Variants in ZNF804A observed in about 807,000 individuals in gnomAD.
ZNF804A encodes zinc finger protein 804A.
Under a neutral mutation model 16.5 loss-of-function variants are expected in ZNF804A, and 2 were observed. That is an observed-to-expected ratio of 0.12 (90% CI 0.05 to 0.38). ZNF804A has a LOEUF of 0.38. Among genes scored for constraint, ZNF804A ranks in the 10% least tolerant of loss-of-function variants. ZNF804A has a pLI of 0.99. For synonymous variants in ZNF804A, 534 were observed against 489.6 expected (o/e 1.09, Z -1.20); for missense variants, 1,473 against 1,390.7 (o/e 1.06, Z -0.94).
chr2:184,925,939 G>A (rs952216886), intron 2 of ZNF804A, among the ~76,000 whole-genome samples: 16 of 151,788 alleles, frequency 1.1e-4, no homozygotes, highest in Non-Finnish European at 2.1e-4. Context: ...TTTGGAGATG[G>A]AGTCTCGCTC....
At chr2:184,882,281 C>T (rs189803593) in intron 2 of ZNF804A, among the ~76,000 whole-genome samples, 5 of 152,080 alleles carry the variant, frequency 3.3e-5, no homozygotes, top group Admixed American at 6.6e-5. Context: ...ACATGCAACA[C>T]GGGAGCACCC....
At chr2:184,635,232 TCCG>T (rs1221765454) in intron 1 of ZNF804A, among the ~76,000 whole-genome samples, 1 of 152,150 alleles carries the variant, frequency 6.6e-6, no homozygotes, top group East Asian at 1.9e-4. Flanking sequence ...CAAGCATTTT[TCCG>T]TATGAAACAA....
intron 1 of ZNF804A, among the ~76,000 whole-genome samples, chr2:184,745,092 C>T (rs1402861156): frequency 6.6e-6 from 1 of 151,774 alleles, no homozygotes; most frequent in South Asian, 2.1e-4. Context: ...ATATTACTTA[C>T]CATTGTGCCT....
intron 1 of ZNF804A, among the ~76,000 whole-genome samples, chr2:184,834,158 T>C (rs1288737600): frequency 6.6e-6 from 1 of 152,142 alleles, no homozygotes; most frequent in Non-Finnish European, 1.5e-5. Context: ...ATGATTTATT[T>C]ACATGCTTAA....
chr2:184,655,741 G>A (rs933563903), intron 1 of ZNF804A, among the ~76,000 whole-genome samples: 27 of 151,746 alleles, frequency 1.8e-4, no homozygotes, highest in Admixed American at 8.5e-4. Context: ...TATTATTGAG[G>A]GAAGGCCCTA....
At chr2:184,724,320 C>A (rs1184813218) in intron 1 of ZNF804A, among the ~76,000 whole-genome samples, 9 of 151,610 alleles carry the variant, frequency 5.9e-5, no homozygotes, top group Admixed American at 5.9e-4. Context: ...GCTCTATGTA[C>A]ATTTATTTGT....
chr2:184,736,355 G>A (rs1210762739), intron 1 of ZNF804A, among the ~76,000 whole-genome samples: 12 of 152,094 alleles, frequency 7.9e-5, no homozygotes, highest in Admixed American at 4.6e-4. Context: ...AAATATGGAG[G>A]CAATAGAAAA....
chr2:184,935,962 G>A lies in ZNF804A; in HGVS notation c.566G>A (p.Ser189Asn), dbSNP rs575440297. ...DATTVAEDPESANNYTAKNNQ... is the reference protein window; with the variant it reads ...DATTVAEDPENANNYTAKNNQ... ...ACCACTGTTGCTGAAGATCCAGAAA[G>A]TGCAAATAATTATACAGCAAAAAAT... The change falls in exon 4 of 4, where the codon AGT (serine) becomes AAT (asparagine). Residue 189 changes from serine (S) to asparagine (N), a missense_variant. Transcript: ENST00000302277. 2 of 1,613,968 alleles carry A rather than the reference G, an allele frequency of 1.2e-6. No individual in the cohort carries two copies. Among genetic ancestry groups the A allele is most frequent in the East Asian group, 2.2e-5 (1 of 44,824 alleles).
intron 1 of ZNF804A, among the ~76,000 whole-genome samples, chr2:184,615,373 A>C (rs891103959): frequency 6.6e-6 from 1 of 152,134 alleles, no homozygotes; most frequent in Non-Finnish European, 1.5e-5. Flanking sequence ...TTATAATAAT[A>C]AAAAAAGAAT....
In ZNF804A at chr2:184,773,711, G is replaced by A. The variant is rs948786418; in HGVS notation, c.112-92658G>A. Among the ~76,000 whole-genome samples the A allele has an allele frequency of 7.2e-5, 11 of 151,740 alleles. No individual in the cohort carries two copies. In the East Asian group the frequency reaches 1.2e-3, roughly 16 times the overall value. ...AGGTTGGGTACAATGTACACTGCTCGGTGATGGATGCACCAAAATCTCAGA... is the reference window on the plus strand; with the variant it reads ...AGGTTGGGTACAATGTACACTGCTCAGTGATGGATGCACCAAAATCTCAGA... On this transcript the variant is annotated intron_variant, in intron 1 of 3. Transcript: ENST00000302277.
chr2:184,719,761 T>C (rs924332288), intron 1 of ZNF804A, among the ~76,000 whole-genome samples: 4 of 152,170 alleles, frequency 2.6e-5, no homozygotes, highest in Non-Finnish European at 4.4e-5. Flanking sequence ...TTCATATCAT[T>C]ATCAGCACTT....
chr2:184,787,355 C>T (rs1694464644), intron 1 of ZNF804A, among the ~76,000 whole-genome samples: 1 of 151,626 alleles, frequency 6.6e-6, no homozygotes. Context: ...GGATTCTTTT[C>T]CTTTGGGTAG....
At chr2:184,865,846 C>A (rs1402692446) in intron 1 of ZNF804A, among the ~76,000 whole-genome samples, 4 of 151,444 alleles carry the variant, frequency 2.6e-5, no homozygotes, top group African/African-American at 9.7e-5. Flanking sequence ...TGATATGGGT[C>A]AGGATAAAAA....
chr2:184,617,489 A>G (rs1470953217), intron 1 of ZNF804A, among the ~76,000 whole-genome samples: 1 of 151,904 alleles, frequency 6.6e-6, no homozygotes, highest in Non-Finnish European at 1.5e-5. Context: ...GAACAAATGC[A>G]AGGTGTTTTT....
rs564418648 is a variant in ZNF804A at position 184,819,650 on chromosome 2, A to T, written c.112-46719A>T. On this transcript the variant is annotated intron_variant, in intron 1 of 3. Transcript: ENST00000302277. ...GGAGGAGCTGTTTTTAAAAAAAAAA[A>T]TTTAATAAAATAGACTGCTAGCTTG... Among the ~76,000 whole-genome samples, 397 of 151,928 alleles carry T rather than the reference A, an allele frequency of 2.6e-3. 1 individual carries two copies. The highest frequency in any genetic ancestry group is 9.1e-3 in the African/African-American group (377 of 41,494).
rs1435990603 is a variant in ZNF804A, at chr2:184,937,469, C to A, written c.2073C>A (p.Asn691Lys). The A allele has an allele frequency of 6.3e-7, 1 of 1,584,092 alleles. No individual in the cohort carries two copies. The highest frequency in any genetic ancestry group is 1.1e-5 in the South Asian group (1 of 89,628). Residue 691 changes from asparagine to lysine, a missense_variant, in exon 4 of 4, where the codon AAC becomes AAA. Transcript: ENST00000302277. Reference protein sequence around the residue: ...YNTYDTISSKNHCKKNTILLN... With the variant: ...YNTYDTISSKKHCKKNTILLN... ...CTTATGATACTATCAGTTCTAAAAA[C>A]CACTGTAAAAAGAACACAATACTTT... is the stretch of plus-strand genomic sequence containing the variant.
At chr2:184,737,196 A>G (rs1056119906) in intron 1 of ZNF804A, among the ~76,000 whole-genome samples, 3 of 151,624 alleles carry the variant, frequency 2.0e-5, no homozygotes, top group African/African-American at 2.4e-5. Flanking sequence ...AGCTGGGACC[A>G]CAGGCAATCG....
rs75957199 is a variant in ZNF804A, at chr2:184,860,089, G to A, written c.112-6280G>A. On this transcript the variant is annotated intron_variant, in intron 1 of 3. Coordinates refer to ENST00000302277, the MANE Select transcript of ZNF804A (RefSeq NM_194250.2). ...CTACAGGGGTGTTCTTGGGCCCTGA[G>A]TGTCCTCAGTGTCCATAGGGTGTGC... Among the ~76,000 whole-genome samples, 477 of 152,350 alleles carry A rather than the reference G, an allele frequency of 3.1e-3. 4 individuals are homozygous for A. Among genetic ancestry groups the A allele is most frequent in the Middle Eastern group, 0.014 (4 of 294 alleles).
Position 184,938,639 on chromosome 2 carries a change from G to A in ZNF804A, c.3243G>A (p.Leu1081=). ...PAALPPPSTP[L]QPLPLQQSLC... ...CCCTCCCACCCCCTAGCACACCTCT[G>A]CAGCCTTTGCCTTTGCAGCAGTCCT... is the stretch of plus-strand genomic sequence containing the variant. The change falls in exon 4 of 4, where the codon CTG becomes CTA. Residue 1081 remains leucine, a synonymous_variant. Coordinates refer to ENST00000302277, the MANE Select transcript of ZNF804A (RefSeq NM_194250.2). The A allele has an allele frequency of 3.7e-6, 6 of 1,613,900 alleles. No homozygotes were observed. Among genetic ancestry groups the A allele is most frequent in the Non-Finnish European group, 5.1e-6 (6 of 1,179,970 alleles).
Sources: gnomAD v4.1 joint callset for allele counts (sites outside exome capture counted in the v4.1 genomes callset) on GRCh38, gnomAD v4.1.1 for gene constraint, MANE v1.5 for transcripts, NCBI Gene and HGNC (gene_info 2026-07-23, HGNC 2026-07-21) for gene names.